Variants in GPC5 observed in about 807,000 individuals in gnomAD.
GPC5 encodes the protein glypican-5.
A neutral mutation model predicts 53.9 loss-of-function variants in GPC5; 47 were observed. That is an observed-to-expected ratio of 0.87 (90% CI 0.69 to 1.11). The LOEUF (loss-of-function observed/expected upper bound fraction) is 1.11. GPC5 is among the 50% of genes most tolerant of loss of function. The pLI is 0.00. For missense variants in GPC5, 748 were observed against 713.1 expected (o/e 1.05, Z -0.56); for synonymous variants, 286 against 263.3 (o/e 1.09, Z -0.84).
chr13:92,659,138 C>T (rs1886247565), intron 7 of GPC5: 1 of 150,732 alleles, frequency 6.6e-6, no homozygotes, highest in East Asian at 2.0e-4. Context: ...CCGTTTTAGC[C>T]GGGATGGTCT....
intron 6 of GPC5, among the ~76,000 whole-genome samples, chr13:92,107,978 A>G (rs756919710): frequency 1.3e-5 from 2 of 152,120 alleles, no homozygotes; most frequent in Non-Finnish European, 2.9e-5. Flanking sequence ...AGAAAGTTTC[A>G]CCCTCTTAAC....
intron 6 of GPC5, among the ~76,000 whole-genome samples, chr13:92,132,019 C>T (rs1231475897): frequency 6.6e-6 from 1 of 151,998 alleles, no homozygotes; most frequent in Non-Finnish European, 1.5e-5. Context: ...GTTCAATTGT[C>T]CACCAAGGGC....
At chr13:92,180,046 G>T (rs1303990136) in intron 7 of GPC5, among the ~76,000 whole-genome samples, 1 of 152,106 alleles carries the variant, frequency 6.6e-6, no homozygotes, top group Admixed American at 6.6e-5. Flanking sequence ...CAGTTGTGGT[G>T]GAATAAACTA....
intron 6 of GPC5, among the ~76,000 whole-genome samples, chr13:92,048,386 T>A (rs534142503): frequency 6.6e-6 from 1 of 152,288 alleles, no homozygotes; most frequent in African/African-American, 2.4e-5. Context: ...TTTATAACAA[T>A]CTTTTGATAC....
chr13:92,095,869 G>A (rs1469669962), intron 6 of GPC5, among the ~76,000 whole-genome samples: 1 of 152,072 alleles, frequency 6.6e-6, no homozygotes, highest in East Asian at 1.9e-4. Context: ...TGTGCAATTG[G>A]TATTCACAGA....
At chr13:91,708,406 G>C (rs2036155450) in intron 3 of GPC5, among the ~76,000 whole-genome samples, 1 of 145,264 alleles carries the variant, frequency 6.9e-6, no homozygotes. Context: ...AACACGGTTT[G>C]TGAAAGAAGT....
chr13:92,523,186 G>T (rs1372276473), intron 7 of GPC5, among the ~76,000 whole-genome samples: 1 of 152,078 alleles, frequency 6.6e-6, no homozygotes, highest in East Asian at 1.9e-4. Context: ...AAAATCTCTT[G>T]TACTCAGATA....
chr13:92,098,850 TATTG>T (rs2041442567), intron 6 of GPC5, among the ~76,000 whole-genome samples: 1 of 152,176 alleles, frequency 6.6e-6, no homozygotes, highest in Non-Finnish European at 1.5e-5. Flanking sequence ...GTGAGACAGA[TATTG>T]GACACCTAAC....
At chr13:91,879,911 T>C (rs1410064444) in intron 5 of GPC5, among the ~76,000 whole-genome samples, 1 of 152,186 alleles carries the variant, frequency 6.6e-6, no homozygotes, top group African/African-American at 2.4e-5. Flanking sequence ...ATTTAAACTA[T>C]GTTTATAAGA....
intron 7 of GPC5, among the ~76,000 whole-genome samples, chr13:92,372,813 T>C (rs547924520): frequency 1.5e-4 from 23 of 152,330 alleles, no homozygotes; most frequent in Non-Finnish European, 8.8e-5. Context: ...ATCACTTCAG[T>C]CATTGTTAAG....
intron 5 of GPC5, among the ~76,000 whole-genome samples, chr13:91,842,291 C>T (rs1211768511): frequency 6.6e-6 from 1 of 151,360 alleles, no homozygotes; most frequent in African/African-American, 2.4e-5. Context: ...ATTTCAAAAG[C>T]TTATCATTAA....
intron 7 of GPC5, among the ~76,000 whole-genome samples, chr13:92,309,744 A>G (rs902220487): frequency 2.6e-5 from 4 of 152,100 alleles, no homozygotes; most frequent in South Asian, 4.1e-4. Flanking sequence ...AAAATTTTTT[A>G]TGGTGAGAGC....
chr13:92,831,791 A>C (rs559590063), intron 7 of GPC5, among the ~76,000 whole-genome samples: 1 of 152,178 alleles, frequency 6.6e-6, no homozygotes, highest in Non-Finnish European at 1.5e-5. Context: ...TTGCCTTCCC[A>C]TTTTCAGTGG....
At chr13:92,600,663 A>T (rs373693914) in intron 7 of GPC5, among the ~76,000 whole-genome samples, 6 of 139,210 alleles carry the variant, frequency 4.3e-5, no homozygotes, top group Non-Finnish European at 6.1e-5. Flanking sequence ...ACACCCAGCT[A>T]TTTTTTTTTT....
chr13:92,315,835 G>T (rs1292803711), intron 7 of GPC5, among the ~76,000 whole-genome samples: 1 of 152,138 alleles, frequency 6.6e-6, no homozygotes, highest in South Asian at 2.1e-4. Flanking sequence ...TGGAAAAGAT[G>T]ATTGCTGTGG....
intron 6 of GPC5, among the ~76,000 whole-genome samples, chr13:91,919,291 C>G (rs994145175): frequency 2.6e-5 from 4 of 152,220 alleles, no homozygotes; most frequent in Non-Finnish European, 5.9e-5. Flanking sequence ...AATCACTCAT[C>G]CAGAAAATGC....
At chr13:91,686,330 C>T (rs572111836) in intron 2 of GPC5, among the ~76,000 whole-genome samples, 1 of 152,070 alleles carries the variant, frequency 6.6e-6, no homozygotes, top group South Asian at 2.1e-4. Flanking sequence ...TTTTTCCATA[C>T]AGTGCTTGTC....
intron 2 of GPC5, among the ~76,000 whole-genome samples, chr13:91,621,761 T>TATATATATATATATATATATATA (rs11462875): frequency 0.023 from 1,073 of 46,476 alleles, 290 homozygotes; most frequent in Non-Finnish European, 0.029. Flanking sequence ...GGACAGAACA[T>TATATATATATATATATATATATA]TATATATATA....
rs775308273 is a variant in GPC5, at chr13:91,596,568, C to A, written c.326-96619C>A. 2.2e-4 allele frequency among the ~76,000 whole-genome samples: 34 copies of A among 152,060 alleles called. No individual in the cohort carries two copies. In the Middle Eastern group the frequency reaches 0.01, roughly 46 times the overall value. ...CGAATATCAGACATTGTGAACTTTA[C>A]CTTTTAGGGTGCTGGGTTATTTTAT... is the stretch of plus-strand genomic sequence containing the variant. On this transcript the variant is annotated intron_variant, in intron 2 of 7. Coordinates refer to ENST00000377067, the MANE Select transcript of GPC5 (RefSeq NM_004466.6).
Sources: allele counts gnomAD v4.1 joint callset (sites outside exome capture counted in the v4.1 genomes callset), GRCh38; gene constraint gnomAD v4.1.1; transcripts MANE v1.5; gene names NCBI Gene and HGNC (gene_info 2026-07-23, HGNC 2026-07-21).